PRKCB: variants seen among roughly 807,000 people sequenced by gnomAD.
PRKCB encodes protein kinase C beta.
A neutral mutation model predicts 81.5 loss-of-function variants in PRKCB; 13 were observed. The observed-to-expected ratio is 0.16, with a 90% CI of 0.10 to 0.25. The LOEUF is 0.25. Among genes scored for constraint, PRKCB ranks in the 10% least tolerant of loss-of-function variants. The pLI is 1.00. For missense variants in PRKCB, 509 were observed against 875.7 expected (o/e 0.58, Z 5.29); for synonymous variants, 335 against 321.4 (o/e 1.04, Z -0.45).
intron 9 of PRKCB, among the ~76,000 whole-genome samples, chr16:24,151,509 G>C (rs1252490793): frequency 1.3e-5 from 2 of 152,206 alleles, no homozygotes; most frequent in Non-Finnish European, 2.9e-5. Flanking sequence ...GGAAATGCCT[G>C]AGCTACAGTA....
At chr16:24,180,728 T>C in intron 12 of PRKCB, 62 bp from the exon 13 acceptor site, 2 of 1,571,716 alleles carry the variant, frequency 1.3e-6, no homozygotes, top group Non-Finnish European at 1.7e-6. Flanking sequence ...AATGAGTGGC[T>C]GTTGGTTGGC....
chr16:23,974,804 G>A (rs1273915945), intron 2 of PRKCB, among the ~76,000 whole-genome samples: 3 of 152,172 alleles, frequency 2.0e-5, no homozygotes, highest in Non-Finnish European at 4.4e-5. Context: ...GAGAGTACAG[G>A]GCCCAGGGTG....
At chr16:24,065,178 G>C (rs921698994) in intron 5 of PRKCB, among the ~76,000 whole-genome samples, 1 of 150,980 alleles carries the variant, frequency 6.6e-6, no homozygotes, top group Admixed American at 6.6e-5. Context: ...TTTAATTGGA[G>C]CATTTAGACC....
intron 3 of PRKCB, among the ~76,000 whole-genome samples, chr16:23,991,778 C>A (rs930210342): frequency 5.3e-5 from 8 of 152,150 alleles, no homozygotes; most frequent in African/African-American, 1.9e-4. Context: ...GGCTGCAACA[C>A]CTTTAATCTT....
At chr16:24,067,626 G>T (rs907815312) in intron 5 of PRKCB, among the ~76,000 whole-genome samples, 2 of 152,024 alleles carry the variant, frequency 1.3e-5, no homozygotes, top group African/African-American at 4.8e-5. Context: ...CTATTTCTTG[G>T]CATGTTTGGA....
intron 5 of PRKCB, among the ~76,000 whole-genome samples, chr16:24,060,258 CAG>C (rs1965956148): frequency 6.6e-6 from 1 of 152,136 alleles, no homozygotes; most frequent in Non-Finnish European, 1.5e-5. Context: ...ATCTGGCGAG[CAG>C]AGAGAGTAGC....
chr16:23,838,512 A>C (rs796908831), intron 2 of PRKCB, among the ~76,000 whole-genome samples: 30 of 152,356 alleles, frequency 2.0e-4, no homozygotes, highest in African/African-American at 7.0e-4. Context: ...GAGTTTGGTA[A>C]GAAACGGCAC....
At chr16:23,937,588 C>T (rs1964080639) in intron 2 of PRKCB, among the ~76,000 whole-genome samples, 1 of 152,118 alleles carries the variant, frequency 6.6e-6, no homozygotes, top group Non-Finnish European at 1.5e-5. Flanking sequence ...TATCCATTAA[C>T]TCAAAGGCAG....
At chr16:24,084,274 T>G (rs1044821751) in intron 5 of PRKCB, among the ~76,000 whole-genome samples, 13 of 152,160 alleles carry the variant, frequency 8.5e-5, no homozygotes, top group Non-Finnish European at 1.6e-4. Context: ...TATACTGTAT[T>G]CAAAGTAGAG....
At chr16:23,998,207 A>T (rs1964984990) in intron 3 of PRKCB, among the ~76,000 whole-genome samples, 1 of 152,120 alleles carries the variant, frequency 6.6e-6, no homozygotes, top group Non-Finnish European at 1.5e-5. Context: ...GTGGACCAGG[A>T]CCTACTCCAT....
At chr16:24,171,550 TG>T (rs1433057221) in intron 10 of PRKCB, among the ~76,000 whole-genome samples, 2 of 152,066 alleles carry the variant, frequency 1.3e-5, no homozygotes, top group African/African-American at 4.8e-5. Context: ...AAAATCACTG[TG>T]GGTGGGGGGA....
Position 24,180,960 on chromosome 16 carries a change from G to A in PRKCB, c.1533+32G>A, listed in dbSNP as rs199897828. On this transcript the variant is annotated intron_variant, in intron 13 of 16. Transcript: ENST00000643927. ...GCTGCTGGGCACACGTTCACATTGC[G>A]GTGATGTACCCTCTGCTCCCCAGAT... 242 of 1,609,714 alleles carry A rather than the reference G, an allele frequency of 1.5e-4. 3 individuals carry two copies. In the Middle Eastern group the frequency reaches 6.1e-3, roughly 40 times the overall value.
At chr16:24,124,703 CTT>C (rs1398656157) in intron 9 of PRKCB, among the ~76,000 whole-genome samples, 1 of 152,144 alleles carries the variant, frequency 6.6e-6, no homozygotes. Context: ...TTTTTAGTCT[CTT>C]TGCGTGCCAC....
chr16:24,009,518 G>A (rs1218384527), intron 3 of PRKCB, among the ~76,000 whole-genome samples: 4 of 150,328 alleles, frequency 2.7e-5, no homozygotes, highest in South Asian at 2.1e-4. Context: ...TCCACCTCCC[G>A]GGTTCAAGTG....
chr16:24,116,221 GAAAC>G (rs1966736047), intron 8 of PRKCB, among the ~76,000 whole-genome samples: 1 of 151,978 alleles, frequency 6.6e-6, no homozygotes. Context: ...TTTGTTGAAA[GAAAC>G]AAACTATCAA....
At chr16:23,862,138 ACT>A (rs1315811309) in intron 2 of PRKCB, among the ~76,000 whole-genome samples, 18 of 151,356 alleles carry the variant, frequency 1.2e-4, no homozygotes, top group Middle Eastern at 3.4e-3. Flanking sequence ...TGCTGTGGAG[ACT>A]CTGGATTCAT....
chr16:23,945,012 GAGGAGGCT>G (rs1964186060), intron 2 of PRKCB, among the ~76,000 whole-genome samples: 1 of 152,182 alleles, frequency 6.6e-6, no homozygotes, highest in South Asian at 2.1e-4. Context: ...GAACGTCAGA[GAGGAGGCT>G]ATTGGGGGAT....
chr16:24,104,732 G>T (rs1467138518), intron 7 of PRKCB, among the ~76,000 whole-genome samples: 1 of 152,170 alleles, frequency 6.6e-6, no homozygotes, highest in Non-Finnish European at 1.5e-5. Flanking sequence ...AAGGCCCTGG[G>T]GCAGGAGTGC....
At position 23,836,106 on chromosome 16, in the gene PRKCB, C is replaced by A. The variant is rs1962147901; in HGVS notation, c.-70C>A. The A allele has an allele frequency of 9.2e-7, 1 of 1,086,792 alleles. No individual in the cohort carries two copies. Among genetic ancestry groups the A allele is most frequent in the South Asian group, 4.1e-5 (1 of 24,146 alleles). 67.3% of individuals were successfully genotyped at this position (1,086,792 alleles called of 1,614,324 possible). On this transcript the variant is annotated 5_prime_UTR_variant, in exon 1 of 17. Transcript: ENST00000643927. ...AGCGGCCGCCGCCTCCCGCGCCTCC[C>A]CGGCCCGCAGCCCGCGGTCCCGCGG...
Sources: gnomAD v4.1 joint callset for allele counts (sites outside exome capture counted in the v4.1 genomes callset) on GRCh38, gnomAD v4.1.1 for gene constraint, MANE v1.5 for transcripts, NCBI Gene and HGNC (gene_info 2026-07-23, HGNC 2026-07-21) for gene names.